The following PRCP variants were observed in gnomAD, a reference collection of about 807,000 sequenced individuals.
PRCP encodes prolylcarboxypeptidase.
A neutral mutation model predicts 54.2 loss-of-function variants in PRCP; 46 were observed. The ratio of observed to expected loss-of-function variants is 0.85; its 90% CI spans 0.67 to 1.09. The LOEUF is 1.09. PRCP is among the 50% of genes least tolerant of loss of function. PRCP has a pLI of 0.00. For synonymous variants in PRCP, 240 were observed against 212.2 expected (o/e 1.13, Z -1.14); for missense variants, 613 against 596.8 (o/e 1.03, Z -0.28).
chr11:82,887,371 C>A (rs1199350629), intron 1 of PRCP, among the ~76,000 whole-genome samples: 1 of 152,202 alleles, frequency 6.6e-6, no homozygotes, highest in African/African-American at 2.4e-5. Context: ...GAGTATGGCA[C>A]AAAGGAAGAG....
rs578201148 is a variant in PRCP at position 82,900,162 on chromosome 11, C to T, written c.168+73G>A. On this transcript the variant is annotated intron_variant, in intron 1 of 8. Coordinates refer to ENST00000313010, the MANE Select transcript of PRCP (RefSeq NM_005040.4). ...GGGGTGTGAATTTCGAGGTAGGCTC[C>T]GTTGCCCGGGCTCTGAGGGTCAGGG... The T allele has an allele frequency of 9.7e-6, 15 of 1,548,562 alleles. No homozygotes were observed. In the African/African-American group the frequency reaches 1.1e-4, roughly 11 times the overall value.
chr11:82,858,477 C>A (rs1859140527), intron 2 of PRCP: 1 of 152,246 alleles, frequency 6.6e-6, no homozygotes, highest in Non-Finnish European at 1.5e-5. Context: ...CTTCTATGAT[C>A]TGCCTCTAGT....
intron 1 of PRCP, among the ~76,000 whole-genome samples, chr11:82,863,505 G>C (rs1859258335): frequency 6.6e-6 from 1 of 152,190 alleles, no homozygotes; most frequent in African/African-American, 2.4e-5. Context: ...TCTCTAACAA[G>C]ATGCCTTCCC....
intron 8 of PRCP, 69 bp from the exon 9 acceptor site, chr11:82,825,191 A>T (rs1858196321): frequency 7.2e-7 from 1 of 1,390,292 alleles, no homozygotes; most frequent in African/African-American, 1.4e-5. Flanking sequence ...ATAAGCTAGA[A>T]GAAACCTATT....
At chr11:82,898,109 C>T (rs1565238911) in intron 1 of PRCP, among the ~76,000 whole-genome samples, 1 of 151,744 alleles carries the variant, frequency 6.6e-6, no homozygotes, top group Non-Finnish European at 1.5e-5. Flanking sequence ...TATAATTATG[C>T]AATAAATACA....
intron 6 of PRCP, among the ~76,000 whole-genome samples, chr11:82,847,832 A>G (rs1482186896): frequency 6.6e-6 from 1 of 152,086 alleles, no homozygotes; most frequent in African/African-American, 2.4e-5. Context: ...AGCCTCAAGC[A>G]ATCCTCCCAC....
At chr11:82,862,076 C>CAA (rs556242097) in intron 1 of PRCP, among the ~76,000 whole-genome samples, 3 of 141,462 alleles carry the variant, frequency 2.1e-5, no homozygotes, top group Non-Finnish European at 4.7e-5. Context: ...ATTACAAAAT[C>CAA]AAAAAAAAAA....
At chr11:82,850,121 A>G in intron 4 of PRCP, 50 bp from the exon 5 acceptor site, 1 of 850,274 alleles carries the variant, frequency 1.2e-6, no homozygotes, top group East Asian at 3.6e-5. Flanking sequence ...AAAAATATAT[A>G]TATATATTAT....
chr11:82,848,573 G>A (rs1469821623), intron 6 of PRCP, among the ~76,000 whole-genome samples: 2 of 152,144 alleles, frequency 1.3e-5, no homozygotes, highest in African/African-American at 4.8e-5. Flanking sequence ...GTGCTGCATG[G>A]GGTCACTCTT....
In PRCP at chr11:82,887,664, C is replaced by G. The variant is rs139011250; in HGVS notation, c.168+12571G>C. On this transcript the variant is annotated intron_variant, in intron 1 of 8. Coordinates refer to ENST00000313010, the MANE Select transcript of PRCP (RefSeq NM_005040.4). ...TCTCTCTCCTACTCCTCTTTCTCCC[C>G]CAAGGCAGGTCATAGAAACTAGGAC... 7.1e-3 allele frequency among the ~76,000 whole-genome samples: 1,075 copies of G among 152,266 alleles called. 12 individuals are homozygous for G. The highest frequency in any genetic ancestry group is 0.024 in the African/African-American group (1,016 of 41,544).
At chr11:82,891,258 A>T (rs781680618) in intron 1 of PRCP, among the ~76,000 whole-genome samples, 1 of 152,106 alleles carries the variant, frequency 6.6e-6, no homozygotes, top group Non-Finnish European at 1.5e-5. Flanking sequence ...CATCTAATTC[A>T]TCAACTATAC....
chr11:82,853,638 C>T (rs1274297265), intron 2 of PRCP, among the ~76,000 whole-genome samples: 1 of 152,080 alleles, frequency 6.6e-6, no homozygotes, highest in Non-Finnish European at 1.5e-5. Flanking sequence ...AGGACGAGGG[C>T]CTCTTCCCTA....
intron 1 of PRCP, among the ~76,000 whole-genome samples, chr11:82,898,594 C>T (rs1195792599): frequency 6.6e-6 from 1 of 152,158 alleles, no homozygotes; most frequent in Non-Finnish European, 1.5e-5. Context: ...ACTAGAGCAC[C>T]TAATTTGGCC....
chr11:82,827,851 T>C (rs1476185038), intron 8 of PRCP: 3 of 152,228 alleles, frequency 2.0e-5, no homozygotes, highest in Non-Finnish European at 4.4e-5. Flanking sequence ...GTGGATCAAC[T>C]TGAGGAGTAT....
intron 1 of PRCP, among the ~76,000 whole-genome samples, chr11:82,898,990 AT>A (rs66861893): frequency 0.35 from 52,771 of 151,290 alleles, 9,505 homozygotes; most frequent in African/African-American, 0.43. Flanking sequence ...ATTTTTAAAA[AT>A]AAAAAAATTT....
intron 6 of PRCP, among the ~76,000 whole-genome samples, chr11:82,842,822 G>T (rs550886247): frequency 8.4e-4 from 128 of 152,090 alleles, no homozygotes; most frequent in Admixed American, 2.4e-3. Context: ...TTTATTTTAG[G>T]TAAGTCTAAA....
intron 6 of PRCP, among the ~76,000 whole-genome samples, chr11:82,845,264 C>A (rs1858780136): frequency 6.6e-6 from 1 of 151,808 alleles, no homozygotes; most frequent in Non-Finnish European, 1.5e-5. Context: ...ATGCACCAGA[C>A]AAAGTAAAGA....
chr11:82,881,958 A>G (rs1416422130), intron 1 of PRCP, among the ~76,000 whole-genome samples: 3 of 152,250 alleles, frequency 2.0e-5, no homozygotes, highest in East Asian at 3.8e-4. Flanking sequence ...CAATTAACAC[A>G]TATTTTGTAT....
chr11:82,879,840 G>A (rs944701089), intron 1 of PRCP, among the ~76,000 whole-genome samples: 3 of 152,214 alleles, frequency 2.0e-5, no homozygotes, highest in Non-Finnish European at 4.4e-5. Flanking sequence ...AGCGGAGGCT[G>A]CAAAACAGCA....
Sources: allele counts gnomAD v4.1 joint callset (sites outside exome capture counted in the v4.1 genomes callset), GRCh38; gene constraint gnomAD v4.1.1; transcripts MANE v1.5; gene names NCBI Gene and HGNC (gene_info 2026-07-23, HGNC 2026-07-21).